Variants in ADGRV1 observed in about 807,000 individuals in gnomAD.
ADGRV1 encodes G-protein coupled receptor 98.
A neutral mutation model predicts 596.2 loss-of-function variants in ADGRV1; 359 were observed. The ratio of observed to expected loss-of-function variants is 0.60; its 90% CI spans 0.55 to 0.66. The LOEUF (loss-of-function observed/expected upper bound fraction) is 0.66, where lower values mean the gene tolerates loss of function less well. Ranked by LOEUF, ADGRV1 falls within the 30% of genes least tolerant of loss-of-function variation. The probability of loss-of-function intolerance (pLI) is 0.00; values close to 1 mark genes in which losing one functional copy is unlikely to be tolerated. For missense variants in ADGRV1, 7,274 were observed against 7,575.6 expected, an observed-to-expected ratio of 0.96 and a Z score of 1.48; for synonymous variants, 2,681 against 2,679.2, an observed-to-expected ratio of 1.00 and a Z score of -0.02.
chr5:90,646,988 G>A (rs534526866), intron 16 of ADGRV1, among the ~76,000 whole-genome samples: 2 of 152,024 alleles, frequency 1.3e-5, no homozygotes, highest in East Asian at 1.9e-4. Context: ...TGGCCAGGAT[G>A]GTCTTGATCT....
chr5:90,655,405 AT>A (rs752921256), intron 20 of ADGRV1: 1 of 152,190 alleles, frequency 6.6e-6, no homozygotes, highest in Non-Finnish European at 1.5e-5. Context: ...GAATTATCTT[AT>A]GTAACTGTAA....
In ADGRV1 at chr5:90,984,590, A is replaced by G. The variant is rs145282109; in HGVS notation, c.17974-754A>G. Reference sequence around the variant, plus strand: ...GATGTAAATATAATATAAAAGAAATATTGCCCTTAATTATTTGTGTCCCAC... The same window carrying G: ...GATGTAAATATAATATAAAAGAAATGTTGCCCTTAATTATTTGTGTCCCAC... On this transcript the variant is annotated intron_variant, in intron 84 of 89. Coordinates refer to ENST00000405460, the MANE Select transcript of ADGRV1 (RefSeq NM_032119.4). Among the ~76,000 whole-genome samples the G allele has an allele frequency of 6.7e-3, 1,015 of 152,324 alleles. 11 individuals carry two copies. Among genetic ancestry groups the G allele is most frequent in the Non-Finnish European group, 0.01 (698 of 68,024 alleles).
Position 90,627,755 on chromosome 5 carries a change from T to C in ADGRV1, c.1217T>C (p.Ile406Thr), listed in dbSNP as rs779851711. ...GTTTTGTTTGAAAGGACAGTTATAA[T>C]TGATGAAGATAGAATATCAAGGTAT... ...NSVLFERTVI[I>T]DEDRISRYEE... The change falls in exon 7 of 90, where the codon ATT becomes ACT. Residue 406 changes from isoleucine to threonine, a missense_variant. Ile to Thr is a moderately conservative substitution (Grantham distance 89, BLOSUM62 -1). Around this residue, in one of 5 missense-constraint regions of ADGRV1, gnomAD observed 1,715 missense variants for 1,708.8 expected, o/e 1.00. Coordinates refer to ENST00000405460, the MANE Select transcript of ADGRV1 (RefSeq NM_032119.4). 1.2e-5 allele frequency: 19 copies of C among 1,543,666 alleles called. No individual in the cohort carries two copies. The African/African-American group carries it at 2.2e-4, about 18-fold the overall frequency.
chr5:90,912,500 C>T (rs1014097686), intron 83 of ADGRV1, among the ~76,000 whole-genome samples: 1 of 152,154 alleles, frequency 6.6e-6, no homozygotes, highest in Non-Finnish European at 1.5e-5. Flanking sequence ...GTAAGCATAG[C>T]ACCGAGTAGT....
intron 87 of ADGRV1, among the ~76,000 whole-genome samples, chr5:91,134,991 G>C (rs1423673188): frequency 6.6e-6 from 1 of 151,982 alleles, no homozygotes; most frequent in African/African-American, 2.4e-5. Flanking sequence ...AGACTAGCCT[G>C]GCCAACATGG....
At chr5:90,724,103 A>G (rs1055466659) in intron 45 of ADGRV1, among the ~76,000 whole-genome samples, 3 of 152,260 alleles carry the variant, frequency 2.0e-5, no homozygotes, top group South Asian at 2.1e-4. Flanking sequence ...AATTTTTTAA[A>G]CCAAATATCA....
chr5:90,817,403 A>T (rs929656750), intron 75 of ADGRV1, among the ~76,000 whole-genome samples: 3 of 150,930 alleles, frequency 2.0e-5, no homozygotes, highest in African/African-American at 7.4e-5. Context: ...GCTGTGCAGA[A>T]GCTCTTTAGT....
At chr5:90,919,405 A>G (rs895137898) in intron 83 of ADGRV1, among the ~76,000 whole-genome samples, 4 of 152,188 alleles carry the variant, frequency 2.6e-5, no homozygotes, top group African/African-American at 7.2e-5. Flanking sequence ...TAATATTGGG[A>G]GGTGTAGTTG....
chr5:91,024,643 A>AT (rs1440497775), intron 85 of ADGRV1, among the ~76,000 whole-genome samples: 2 of 151,986 alleles, frequency 1.3e-5, no homozygotes, highest in African/African-American at 2.4e-5. Flanking sequence ...TTCCATAAAA[A>AT]TTTTTTTTGT....
Position 91,025,049 on chromosome 5 carries a change from C to G in ADGRV1, c.18152+39527C>G, listed in dbSNP as rs142213005. On this transcript the variant is annotated intron_variant, in intron 85 of 89. Coordinates refer to ENST00000405460, the MANE Select transcript of ADGRV1 (RefSeq NM_032119.4). ...AGGAAAGTTGATTACCTATAGCAAG[C>G]TTCTCTGACCAACACTGGCAACCTT... is the stretch of plus-strand genomic sequence containing the variant. Among the ~76,000 whole-genome samples, 3 of 152,268 alleles carry G rather than the reference C, an allele frequency of 2.0e-5. No individual in the cohort carries two copies. The East Asian group carries it at 5.8e-4, about 29-fold the overall frequency.
intron 83 of ADGRV1, among the ~76,000 whole-genome samples, chr5:90,885,284 T>C (rs1770170297): frequency 6.6e-6 from 1 of 152,198 alleles, no homozygotes; most frequent in Non-Finnish European, 1.5e-5. Context: ...AATAATCTCT[T>C]GGCAGTCTTT....
intron 87 of ADGRV1, among the ~76,000 whole-genome samples, chr5:91,119,766 A>C (rs539037020): frequency 6.6e-6 from 1 of 152,302 alleles, no homozygotes; most frequent in East Asian, 1.9e-4. Context: ...CTCCATTGGC[A>C]TGACTTTGTA....
At chr5:90,606,246 G>A (rs1762096067) in intron 1 of ADGRV1, among the ~76,000 whole-genome samples, 1 of 152,214 alleles carries the variant, frequency 6.6e-6, no homozygotes, top group Admixed American at 6.5e-5. Context: ...AATAAGGCAA[G>A]GGAGGATGAA....
chr5:90,765,470 C>CACACACACACACACACACAG (rs546930616), intron 59 of ADGRV1, among the ~76,000 whole-genome samples: 4 of 149,338 alleles, frequency 2.7e-5, no homozygotes, highest in African/African-American at 9.9e-5. Flanking sequence ...CACACACACA[C>CACACACACACACACACACAG]AAACTCTAGA....
At chr5:91,089,267 T>C (rs1053081017) in intron 86 of ADGRV1, among the ~76,000 whole-genome samples, 50 of 152,228 alleles carry the variant, frequency 3.3e-4, no homozygotes, top group African/African-American at 1.1e-3. Context: ...GTAAGTAATA[T>C]ACATACAGCT....
chr5:90,568,777 T>C (rs1375436334), intron 1 of ADGRV1, among the ~76,000 whole-genome samples: 3 of 152,220 alleles, frequency 2.0e-5, no homozygotes, highest in Non-Finnish European at 4.4e-5. Context: ...TTTTAATTCA[T>C]GTGTTTTGGG....
chr5:90,712,688 T>A (rs941788390), intron 42 of ADGRV1, among the ~76,000 whole-genome samples: 1 of 152,092 alleles, frequency 6.6e-6, no homozygotes. Flanking sequence ...TATTGTAGGA[T>A]TATTTAATTT....
At chr5:90,798,266 A>C (rs1315381286) in intron 70 of ADGRV1, among the ~76,000 whole-genome samples, 1 of 152,236 alleles carries the variant, frequency 6.6e-6, no homozygotes, top group Non-Finnish European at 1.5e-5. Flanking sequence ...CCACAGAAAT[A>C]CAAACTACCA....
intron 50 of ADGRV1, among the ~76,000 whole-genome samples, chr5:90,736,415 A>T (rs1303606825): frequency 6.6e-6 from 1 of 151,952 alleles, no homozygotes; most frequent in Non-Finnish European, 1.5e-5. Context: ...TTCATCAGAG[A>T]TATTGGCCTG....
Sources: gnomAD v4.1 joint callset for allele counts (sites outside exome capture counted in the v4.1 genomes callset) on GRCh38, gnomAD v4.1.1 for gene constraint, gnomAD v4.1.1 regional missense constraint, MANE v1.5 for transcripts, NCBI Gene and HGNC (gene_info 2026-07-23, HGNC 2026-07-21) for gene names.